The following PAPPA2 variants were observed in gnomAD, a reference collection of about 807,000 sequenced individuals.
PAPPA2 encodes the protein pappalysin-2.
A neutral mutation model predicts 176.4 loss-of-function variants in PAPPA2; 86 were observed. That is an observed-to-expected ratio of 0.49 (90% CI 0.41 to 0.58). The LOEUF (loss-of-function observed/expected upper bound fraction) is 0.58, where lower values mean the gene tolerates loss of function less well. PAPPA2 is among the 20% of genes least tolerant of loss of function. PAPPA2 has a pLI of 0.00. For missense variants in PAPPA2, 2,073 were observed against 2,256.9 expected, an observed-to-expected ratio of 0.92 and a Z score of 1.65; for synonymous variants, 809 against 852.2, an observed-to-expected ratio of 0.95 and a Z score of 0.88.
chr1:176,667,444 T>C (rs984470937), intron 3 of PAPPA2, among the ~76,000 whole-genome samples: 1 of 152,098 alleles, frequency 6.6e-6, no homozygotes, highest in African/African-American at 2.4e-5. Context: ...TAGAGTTCCA[T>C]GCACCTAAGA....
intron 17 of PAPPA2, among the ~76,000 whole-genome samples, chr1:176,773,815 C>T (rs888350304): frequency 6.6e-6 from 1 of 152,050 alleles, no homozygotes; most frequent in African/African-American, 2.4e-5. Context: ...CATTCCCTTC[C>T]TGCTTCTTTT....
At chr1:176,797,928 G>T (rs1017854426) in intron 20 of PAPPA2, among the ~76,000 whole-genome samples, 1 of 152,126 alleles carries the variant, frequency 6.6e-6, no homozygotes, top group Non-Finnish European at 1.5e-5. Context: ...CTAGAGACAC[G>T]ATATCATAAT....
intron 1 of PAPPA2, among the ~76,000 whole-genome samples, chr1:176,487,621 G>T (rs184456863): frequency 6.4e-4 from 98 of 152,248 alleles, no homozygotes; most frequent in African/African-American, 2.3e-3. Context: ...AGGCTGGATT[G>T]GTTCACCAAG....
At chr1:176,587,293 A>G (rs1196351387) in intron 2 of PAPPA2, among the ~76,000 whole-genome samples, 1 of 152,086 alleles carries the variant, frequency 6.6e-6, no homozygotes, top group African/African-American at 2.4e-5. Context: ...CTTTAGTTTA[A>G]TTAGATCCCA....
rs1399786868 is a variant in PAPPA2 at position 176,817,213 on chromosome 1, T to C, written c.5202+17081T>C. ...CTCCTGGGGCCTTGAAGAATAATAATTCCACTAGTTGGGGACAAAGTGGAA... is the reference window on the plus strand; with the variant it reads ...CTCCTGGGGCCTTGAAGAATAATAACTCCACTAGTTGGGGACAAAGTGGAA... On this transcript the variant is annotated intron_variant, in intron 21 of 22. Transcript: ENST00000367662. Among the ~76,000 whole-genome samples the C allele has an allele frequency of 2.0e-5, 3 of 152,198 alleles. No individual in the cohort carries two copies. In the East Asian group the frequency reaches 5.8e-4, roughly 29 times the overall value.
intron 15 of PAPPA2, among the ~76,000 whole-genome samples, chr1:176,766,651 A>G (rs992591659): frequency 9.2e-5 from 14 of 152,238 alleles, no homozygotes; most frequent in Admixed American, 7.2e-4. Flanking sequence ...TTAAATTGTC[A>G]GTATTATGAG....
chr1:176,484,619 T>C (rs1376734698), intron 1 of PAPPA2, among the ~76,000 whole-genome samples: 1 of 152,242 alleles, frequency 6.6e-6, no homozygotes, highest in East Asian at 1.9e-4. Flanking sequence ...TCCTCAGCCA[T>C]GTCTAGTCTA....
chr1:176,563,120 T>C (rs1651766928), intron 2 of PAPPA2, among the ~76,000 whole-genome samples: 1 of 152,190 alleles, frequency 6.6e-6, no homozygotes, highest in African/African-American at 2.4e-5. Flanking sequence ...TTAGGGACTC[T>C]CAGTTATGTT....
chr1:176,612,379 G>T (rs1654979913), intron 3 of PAPPA2, among the ~76,000 whole-genome samples: 1 of 151,988 alleles, frequency 6.6e-6, no homozygotes, highest in Non-Finnish European at 1.5e-5. Flanking sequence ...GGGTGACGGA[G>T]CGAGACCCTG....
Position 176,692,731 on chromosome 1 carries a change from G to A in PAPPA2, c.2624+413G>A, listed in dbSNP as rs1002991183. Among the ~76,000 whole-genome samples the A allele has an allele frequency of 2.6e-5, 4 of 152,300 alleles. No individual in the cohort carries two copies. In the East Asian group the frequency reaches 7.7e-4, roughly 29 times the overall value. ...AGGCACTTCTGGGTGTGGGTGGATG[G>A]TAGTGTGCCCACTGCCACAAGCTGT... On this transcript the variant is annotated intron_variant, in intron 6 of 22. Transcript: ENST00000367662.
intron 3 of PAPPA2, among the ~76,000 whole-genome samples, chr1:176,608,982 G>A (rs545137997): frequency 2.6e-5 from 4 of 152,162 alleles, no homozygotes; most frequent in Non-Finnish European, 4.4e-5. Flanking sequence ...ATTGAATATT[G>A]AATATTTGAG....
intron 16 of PAPPA2, among the ~76,000 whole-genome samples, 190 bp from the exon 17 acceptor site, chr1:176,770,777 A>C (rs1664190122): frequency 6.6e-6 from 1 of 152,228 alleles, no homozygotes; most frequent in Admixed American, 6.5e-5. Context: ...AGAGCATCAC[A>C]CTGGATGCTC....
chr1:176,575,551 C>G, intron 2 of PAPPA2, among the ~76,000 whole-genome samples: 1 of 152,216 alleles, frequency 6.6e-6, no homozygotes, highest in African/African-American at 2.4e-5. Context: ...GCATGCAGTG[C>G]GTGATTCACT....
chr1:176,532,656 A>T (rs1210240925), intron 1 of PAPPA2, among the ~76,000 whole-genome samples: 1 of 152,190 alleles, frequency 6.6e-6, no homozygotes, highest in African/African-American at 2.4e-5. Flanking sequence ...CTGTCCCCAC[A>T]TGGTGTGGGT....
In PAPPA2 at chr1:176,727,632, A is replaced by G. The variant is rs527389390; in HGVS notation, c.3799-11994A>G. On this transcript the variant is annotated intron_variant, in intron 12 of 22. Transcript: ENST00000367662. ...TCATAGTTGGGGATTTTTTTCACCTATCTGTTAGTAATTCATTTAATAAGT... is the reference window on the plus strand; with the variant it reads ...TCATAGTTGGGGATTTTTTTCACCTGTCTGTTAGTAATTCATTTAATAAGT... 2.0e-5 allele frequency among the ~76,000 whole-genome samples: 3 copies of G among 152,188 alleles called. No homozygotes were observed. In the South Asian group the frequency reaches 6.2e-4, roughly 32 times the overall value.
intron 21 of PAPPA2, among the ~76,000 whole-genome samples, chr1:176,825,240 C>T (rs1666812066): frequency 6.6e-6 from 1 of 152,084 alleles, no homozygotes; most frequent in Non-Finnish European, 1.5e-5. Context: ...CTTACTTCAC[C>T]CAGGCAGACA....
At chr1:176,726,672 A>G (rs1661889559) in intron 12 of PAPPA2, among the ~76,000 whole-genome samples, 1 of 152,192 alleles carries the variant, frequency 6.6e-6, no homozygotes, top group Non-Finnish European at 1.5e-5. Context: ...TTCGAGTGGA[A>G]ATCACATCAA....
intron 2 of PAPPA2, among the ~76,000 whole-genome samples, chr1:176,587,511 T>G (rs985714304): frequency 2.6e-5 from 4 of 152,228 alleles, no homozygotes; most frequent in Non-Finnish European, 5.9e-5. Context: ...TGACTATGGC[T>G]TGCCAGTTTT....
Position 176,609,691 on chromosome 1 carries a change from G to A in PAPPA2, c.1991+14096G>A, listed in dbSNP as rs373540437. On this transcript the variant is annotated intron_variant, in intron 3 of 22. Transcript: ENST00000367662. The stretch of plus-strand genomic sequence containing the variant: ...TAGAGCCCATGAGGCCATTCTCAAT[G>A]AGCTGTGAAGCTTCCAGGGCTTGGG... 1.4e-4 allele frequency among the ~76,000 whole-genome samples: 21 copies of A among 152,330 alleles called. No homozygotes were observed. The East Asian group carries it at 3.5e-3, about 25-fold the overall frequency.
Sources: gnomAD v4.1 joint callset for allele counts (sites outside exome capture counted in the v4.1 genomes callset) on GRCh38, gnomAD v4.1.1 for gene constraint, MANE v1.5 for transcripts, NCBI Gene and HGNC (gene_info 2026-07-23, HGNC 2026-07-21) for gene names.